FAM167A: variants seen among roughly 807,000 people sequenced by gnomAD.
The protein encoded by FAM167A is family with sequence similarity 167 member A, also known as protein FAM167A.
A neutral mutation model predicts 14.9 loss-of-function variants in FAM167A; 23 were observed. The observed-to-expected ratio is 1.55, with a 90% CI of 1.11 to 2.19. FAM167A has a LOEUF of 2.19. Among genes scored for constraint, FAM167A ranks in the 30% most tolerant of loss-of-function variants. The pLI is 0.00. For missense variants in FAM167A, 401 were observed against 281.5 expected (o/e 1.42, Z -3.04); for synonymous variants, 174 against 117.7 (o/e 1.48, Z -3.10).
At chr8:11,433,724 G>A (rs1805782471) in intron 2 of FAM167A, among the ~76,000 whole-genome samples, 1 of 152,142 alleles carries the variant, frequency 6.6e-6, no homozygotes, top group Non-Finnish European at 1.5e-5. Context: ...TCCTATCCCA[G>A]CCTAATAGCT....
At chr8:11,464,944 G>A (rs148062199) in intron 1 of FAM167A, among the ~76,000 whole-genome samples, 14 of 152,166 alleles carry the variant, frequency 9.2e-5, no homozygotes, top group South Asian at 2.1e-4. Context: ...ACAGGAAGGC[G>A]GGGACTGGCA....
At chr8:11,469,564 G>A (rs1342418344), upstream of FAM167A, among the ~76,000 whole-genome samples, 1 of 152,150 alleles carries the variant, frequency 6.6e-6, no homozygotes, top group Non-Finnish European at 1.5e-5. Flanking sequence ...CTGTGAAATA[G>A]ATGAGTCAAG....
intron 2 of FAM167A, among the ~76,000 whole-genome samples, chr8:11,429,386 T>C (rs1182369458): frequency 6.6e-6 from 1 of 152,230 alleles, no homozygotes; most frequent in Non-Finnish European, 1.5e-5. Context: ...CACAGAGGGC[T>C]GCGCCAGTTC....
upstream of FAM167A, among the ~76,000 whole-genome samples, chr8:11,472,205 C>T (rs1364357588): frequency 2.6e-5 from 4 of 152,290 alleles, no homozygotes; most frequent in East Asian, 3.9e-4. Context: ...GCAGATTACG[C>T]AGCACACCGC....
intron 2 of FAM167A, among the ~76,000 whole-genome samples, chr8:11,435,993 T>A (rs73207500): frequency 6.6e-6 from 1 of 152,144 alleles, no homozygotes; most frequent in Non-Finnish European, 1.5e-5. Flanking sequence ...AGCTCCTGGG[T>A]GCCGGGTCCC....
intron 2 of FAM167A, chr8:11,438,509 T>C (rs1447959653): frequency 4.4e-6 from 2 of 457,058 alleles, no homozygotes; most frequent in Non-Finnish European, 8.8e-6. Context: ...AAGAGCCTGG[T>C]GCTAGCACTT....
chr8:11,438,828 G>T (rs7014311), intron 2 of FAM167A, among the ~76,000 whole-genome samples: 10,882 of 152,284 alleles, frequency 0.071, 870 homozygotes, highest in African/African-American at 0.2. Flanking sequence ...AGGCTGGGAC[G>T]AGGAATTCTC....
intron 2 of FAM167A, among the ~76,000 whole-genome samples, chr8:11,443,398 G>A (rs970750692): frequency 5.3e-5 from 8 of 152,150 alleles, no homozygotes; most frequent in South Asian, 4.1e-4. Flanking sequence ...ACCTGGCCCC[G>A]CCCTGACTTC....
At chr8:11,443,881 C>T (rs914983305) in intron 2 of FAM167A, 150 bp downstream of exon 2, 23 of 1,040,454 alleles carry the variant, frequency 2.2e-5, no homozygotes, top group East Asian at 9.8e-5. Flanking sequence ...CTTCAACTCA[C>T]GGGAAGATTA....
At chr8:11,433,725 C>CCT (rs1272872184) in intron 2 of FAM167A, among the ~76,000 whole-genome samples, 1 of 152,174 alleles carries the variant, frequency 6.6e-6, no homozygotes, top group African/African-American at 2.4e-5. Context: ...CCTATCCCAG[C>CCT]CTAATAGCTA....
Position 11,444,518 on chromosome 8 carries a change from G to A in FAM167A, c.-107C>T, listed in dbSNP as rs892569201. ...CGCTCTGGGATGGCCTCATCCAGGT[G>A]CCCGAGGGCATTTCCGGGACAGGAG... On this transcript the variant is annotated 5_prime_UTR_variant, in exon 2 of 3. Coordinates refer to ENST00000284486, the MANE Select transcript of FAM167A (RefSeq NM_053279.3). 2 of 1,477,644 alleles carry A rather than the reference G, an allele frequency of 1.4e-6. No homozygotes were observed. The highest frequency in any genetic ancestry group is 1.8e-6 in the Non-Finnish European group (2 of 1,121,068). The allele number at this position is 1,477,644 out of a possible 1,614,324, so 91.5% of individuals were successfully genotyped here. A position where few individuals can be genotyped will look rare whatever the true frequency, so the allele number is the denominator to read the frequency against.
At chr8:11,463,853 G>A (rs1031105005) in intron 1 of FAM167A, among the ~76,000 whole-genome samples, 5 of 152,196 alleles carry the variant, frequency 3.3e-5, no homozygotes, top group African/African-American at 1.2e-4. Context: ...GGGACCTTCT[G>A]GAAATTCCTC....
chr8:11,423,291 A>C lies in FAM167A; in HGVS notation c.*1082T>G, dbSNP rs552593188. ...TCCTCAAGCCTGTTGGGAGGGAGAA[A>C]CTCTTAAAATCAAATCCTACGCACT... On this transcript the variant is annotated 3_prime_UTR_variant, in exon 3 of 3. Coordinates refer to ENST00000284486, the MANE Select transcript of FAM167A (RefSeq NM_053279.3). The C allele has an allele frequency of 7.9e-4, 120 of 152,494 alleles. No individual in the cohort carries two copies. Among genetic ancestry groups the C allele is most frequent in the African/African-American group, 2.6e-3 (110 of 41,530 alleles). The allele number at this position is 152,494 out of a possible 1,614,324, so 9.4% of individuals were successfully genotyped here.
intron 1 of FAM167A, chr8:11,445,713 ACT>A (rs1248018127): frequency 6.8e-6 from 5 of 735,194 alleles, no homozygotes; most frequent in Non-Finnish European, 8.3e-6. Context: ...CAGCCTCCAG[ACT>A]CTGTGGTCCG....
At chr8:11,457,064 T>A (rs1439115002) in intron 1 of FAM167A, among the ~76,000 whole-genome samples, 1 of 56,246 alleles carries the variant, frequency 1.8e-5, no homozygotes, top group Non-Finnish European at 3.4e-5. Flanking sequence ...TGGGTGGGGC[T>A]GGGTTGGGGA....
At chr8:11,459,665 G>A (rs1189300453) in intron 1 of FAM167A, among the ~76,000 whole-genome samples, 2 of 152,188 alleles carry the variant, frequency 1.3e-5, no homozygotes, top group Non-Finnish European at 2.9e-5. Context: ...CTGTGACGCT[G>A]GACAAGTCAC....
In FAM167A at chr8:11,454,749, GC is replaced by G. The variant is rs571170233; in HGVS notation, c.-397-9942del. Among the ~76,000 whole-genome samples, 141 of 152,310 alleles carry G rather than the reference GC, an allele frequency of 9.3e-4. 1 individual carries two copies. Among genetic ancestry groups the G allele is most frequent in the African/African-American group, 3.2e-3 (132 of 41,564 alleles). On this transcript the variant is annotated intron_variant, in intron 1 of 2. Transcript: ENST00000284486. ...AGGGAGGCGAGCCTGGGGTGTGCAG[GC>G]TTTTCTGCCCGGGTTTAATCAGAAA...
intron 1 of FAM167A, among the ~76,000 whole-genome samples, chr8:11,475,730 C>T (rs1797856314): frequency 6.6e-6 from 1 of 152,196 alleles, no homozygotes; most frequent in Non-Finnish European, 1.5e-5. Flanking sequence ...CTAGAACACA[C>T]AGATTCTCTA....
rs1804973010 is a variant in FAM167A, at chr8:11,424,294, T to C, written c.*79A>G. 1.3e-6 allele frequency: 2 copies of C among 1,574,952 alleles called. No homozygotes were observed. The highest frequency in any genetic ancestry group is 1.7e-6 in the Non-Finnish European group (2 of 1,157,094). On this transcript the variant is annotated 3_prime_UTR_variant, in exon 3 of 3. Transcript: ENST00000284486. The stretch of plus-strand genomic sequence containing the variant: ...CCTGCCTCCGGGAGACCCACTGGAG[T>C]AACTTGGCCTCAGCTTCCTCTGACA...
Sources: allele counts gnomAD v4.1 joint callset (sites outside exome capture counted in the v4.1 genomes callset), GRCh38; gene constraint gnomAD v4.1.1; transcripts MANE v1.5; gene names NCBI Gene and HGNC (gene_info 2026-07-23, HGNC 2026-07-21).